Variants in GLYATL3 observed in about 807,000 individuals in gnomAD.
GLYATL3 encodes the protein glycine-N-acyltransferase like 3, also known as glycine N-acyltransferase-like protein 3.
Under a neutral mutation model 28.5 loss-of-function variants are expected in GLYATL3, and 31 were observed. The ratio of observed to expected loss-of-function variants is 1.09; its 90% CI spans 0.82 to 1.47. GLYATL3 has a LOEUF of 1.47. Among genes scored for constraint, GLYATL3 ranks in the 40% most tolerant of loss-of-function variants. The pLI is 0.00. For missense variants in GLYATL3, 369 were observed against 351.5 expected (o/e 1.05, Z -0.40); for synonymous variants, 141 against 140.2 (o/e 1.01, Z -0.04).
At chr6:49,509,653 G>T (rs551065600) in intron 1 of GLYATL3, among the ~76,000 whole-genome samples, 8 of 152,334 alleles carry the variant, frequency 5.3e-5, no homozygotes, top group African/African-American at 1.9e-4. Context: ...GGAAACATGT[G>T]AGTTAGGAAA....
At chr6:49,515,908 T>G in intron 3 of GLYATL3, 148 bp downstream of exon 3, 2 of 600,066 alleles carry the variant, frequency 3.3e-6, no homozygotes, top group Admixed American at 2.7e-5. Flanking sequence ...TTTCCCTTCT[T>G]TCCTTCCCTC....
chr6:49,504,840 A>G (rs185693347), intron 1 of GLYATL3, among the ~76,000 whole-genome samples: 211 of 152,332 alleles, frequency 1.4e-3, no homozygotes, highest in African/African-American at 4.4e-3. Flanking sequence ...TAACATGAGA[A>G]GTGGCTTCTC....
chr6:49,511,616 GC>G (rs1769123971), intron 1 of GLYATL3, among the ~76,000 whole-genome samples: 1 of 152,274 alleles, frequency 6.6e-6, no homozygotes, highest in African/African-American at 2.4e-5. Flanking sequence ...CCTTCATACA[GC>G]TTATAGGTTA....
intron 1 of GLYATL3, among the ~76,000 whole-genome samples, chr6:49,507,707 G>C (rs955121454): frequency 1.1e-4 from 16 of 152,104 alleles, no homozygotes; most frequent in Admixed American, 1.0e-3. Flanking sequence ...CTAGCAGCCT[G>C]CAATGCAATG....
chr6:49,512,056 T>C lies in GLYATL3; in HGVS notation c.66T>C (p.Pro22=), dbSNP rs1176874144. The change falls in exon 2 of 6, where the codon CCT becomes CCC. Residue 22 remains proline, a synonymous_variant. Transcript: ENST00000371197. Reference sequence around the variant, plus strand: ...AGAAAATGTTGAAGAGTTGCTTTCCTGAATCACTCAAGGTACCATAAAATT... The same window carrying C: ...AGAAAATGTTGAAGAGTTGCTTTCCCGAATCACTCAAGGTACCATAAAATT... ...ILEKMLKSCF[P]ESLKVYGAVM... is the part of the protein sequence containing the mutation. 7 of 1,350,878 alleles carry C rather than the reference T, an allele frequency of 5.2e-6. No homozygotes were observed. In the East Asian group the frequency reaches 1.3e-4, roughly 24 times the overall value. 83.7% of individuals were successfully genotyped at this position (1,350,878 alleles called of 1,614,324 possible).
intron 4 of GLYATL3, among the ~76,000 whole-genome samples, chr6:49,519,232 A>G (rs1769272181): frequency 6.6e-6 from 1 of 152,130 alleles, no homozygotes; most frequent in Admixed American, 6.5e-5. Flanking sequence ...TATAGAAAAA[A>G]GTTATATAAT....
intron 5 of GLYATL3, among the ~76,000 whole-genome samples, chr6:49,525,835 T>A (rs1485208482): frequency 6.6e-6 from 1 of 152,150 alleles, no homozygotes; most frequent in Non-Finnish European, 1.5e-5. Flanking sequence ...TGGTTTTGTG[T>A]CAAGTTAGGT....
chr6:49,504,709 T>C (rs1158906827), intron 1 of GLYATL3, among the ~76,000 whole-genome samples: 1 of 152,164 alleles, frequency 6.6e-6, no homozygotes, highest in Non-Finnish European at 1.5e-5. Flanking sequence ...ATGAGTAATA[T>C]GTTTAATATG....
Position 49,526,495 on chromosome 6 carries a change from C to A in GLYATL3, c.448C>A (p.Pro150Thr). ...TGTGTCATTCTGGTCTAGCAAGGGG[C>A]CTTCCCCACGACTAACCTACCTGAG... ...SLPDTSFLKGPSPRLTYLSVA... is the reference protein window; with the variant it reads ...SLPDTSFLKGTSPRLTYLSVA... Residue 150 changes from proline to threonine, a missense_variant, in exon 6 of 6, where the codon CCT (proline) becomes ACT (threonine). Coordinates refer to ENST00000371197, the MANE Select transcript of GLYATL3 (RefSeq NM_001010904.2). The A allele has an allele frequency of 1.3e-6, 2 of 1,551,054 alleles. No homozygotes were observed. The highest frequency in any genetic ancestry group is 1.7e-6 in the Non-Finnish European group (2 of 1,146,548).
intron 3 of GLYATL3, 78 bp downstream of exon 3, chr6:49,515,838 T>G (rs1184522922): frequency 1.3e-6 from 1 of 795,872 alleles, no homozygotes; most frequent in African/African-American, 1.7e-5. Flanking sequence ...TTTATAATCA[T>G]AGTAGCCATT....
chr6:49,526,369 C>T (rs1259162668), intron 5 of GLYATL3, 119 bp from the exon 6 acceptor site: 122 of 794,800 alleles, frequency 1.5e-4, no homozygotes, highest in Admixed American at 5.2e-5. Context: ...GCAGAGATCA[C>T]GCCACTGCAC....
At chr6:49,506,399 T>C (rs1275288535) in intron 1 of GLYATL3, among the ~76,000 whole-genome samples, 5 of 152,228 alleles carry the variant, frequency 3.3e-5, no homozygotes, top group Non-Finnish European at 5.9e-5. Context: ...ATAGTAGGAC[T>C]CTTTATCATT....
intron 2 of GLYATL3, among the ~76,000 whole-genome samples, chr6:49,512,378 C>T (rs530909114): frequency 3.3e-5 from 5 of 149,740 alleles, no homozygotes; most frequent in African/African-American, 1.2e-4. Flanking sequence ...TGGTTTGCTG[C>T]ACCTATCAAC....
chr6:49,519,611 C>T (rs1433887580), intron 4 of GLYATL3, among the ~76,000 whole-genome samples: 1 of 152,200 alleles, frequency 6.6e-6, no homozygotes, highest in Admixed American at 6.5e-5. Context: ...ACATGATCAA[C>T]ATTTGCCACA....
intron 1 of GLYATL3, among the ~76,000 whole-genome samples, chr6:49,500,731 G>A (rs1379704382): frequency 6.6e-6 from 1 of 152,090 alleles, no homozygotes; most frequent in Admixed American, 6.6e-5. Flanking sequence ...TCCAATTCCA[G>A]AACATACTGA....
At chr6:49,506,387 A>G (rs867752143) in intron 1 of GLYATL3, among the ~76,000 whole-genome samples, 68 of 152,362 alleles carry the variant, frequency 4.5e-4, no homozygotes, top group Middle Eastern at 6.8e-3. Context: ...AACAACTGAC[A>G]AATAGTAGGA....
At chr6:49,526,346 G>A in intron 5 of GLYATL3, 142 bp from the exon 6 acceptor site, 1 of 651,432 alleles carries the variant, frequency 1.5e-6, no homozygotes, top group Non-Finnish European at 2.7e-6. Flanking sequence ...CCGGGAGGCA[G>A]AGGTTGCAGT....
chr6:49,506,670 T>C (rs1346191750), intron 1 of GLYATL3, among the ~76,000 whole-genome samples: 1 of 152,152 alleles, frequency 6.6e-6, no homozygotes, highest in Non-Finnish European at 1.5e-5. Flanking sequence ...CTGACTTTTT[T>C]TTGTACAACA....
At chr6:49,514,512 G>A (rs1199096929) in intron 2 of GLYATL3, among the ~76,000 whole-genome samples, 5 of 152,126 alleles carry the variant, frequency 3.3e-5, no homozygotes, top group Non-Finnish European at 1.5e-5. Flanking sequence ...AAGCTATTTT[G>A]TAGGACAGTC....
Sources: allele counts gnomAD v4.1 joint callset (sites outside exome capture counted in the v4.1 genomes callset), GRCh38; gene constraint gnomAD v4.1.1; transcripts MANE v1.5; gene names NCBI Gene and HGNC (gene_info 2026-07-23, HGNC 2026-07-21).